Variants in SV2C observed in about 807,000 individuals in gnomAD.
The protein encoded by SV2C is synaptic vesicle glycoprotein 2C, also known as solute carrier family 22 member B3.
SV2C carries 49 observed loss-of-function variants against 79.7 expected under a neutral mutation model. The ratio of observed to expected loss-of-function variants is 0.61; its 90% confidence interval spans 0.49 to 0.78. The LOEUF (loss-of-function observed/expected upper bound fraction) is 0.78, where lower values mean the gene tolerates loss of function less well. Ranked by LOEUF, SV2C falls within the 30% of genes least tolerant of loss-of-function variation. The pLI, the probability that SV2C is intolerant of heterozygous loss-of-function variation, is 0.00. For missense variants in SV2C, 833 were observed against 912.9 expected (o/e 0.91, Z 1.13); for synonymous variants, 334 against 333.2 (o/e 1.00, Z -0.03).
At chr5:75,918,462 C>T in the SV2C span, among the ~76,000 whole-genome samples, 10 of 152,156 alleles carry the variant, frequency 6.6e-5, no homozygotes, top group Non-Finnish European at 1.3e-4. Context: ...GTTATATCTT[C>T]GTGAAAGATG....
chr5:76,139,430 G>A (rs1313430060), intron 2 of SV2C, among the ~76,000 whole-genome samples: 1 of 152,230 alleles, frequency 6.6e-6, no homozygotes, highest in Non-Finnish European at 1.5e-5. Context: ...TTGCCCATCA[G>A]AAATATGCTG....
chr5:76,140,084 T>A (rs6863908), intron 2 of SV2C, among the ~76,000 whole-genome samples: 90,049 of 152,180 alleles, frequency 0.59, 28,750 homozygotes, highest in East Asian at 0.97. Context: ...AAACTTTCCT[T>A]TCAACTGTAC....
the SV2C span, among the ~76,000 whole-genome samples, chr5:76,076,794 A>G: frequency 2.0e-5 from 3 of 152,208 alleles, no homozygotes; most frequent in Non-Finnish European, 4.4e-5. Flanking sequence ...CATTTTCAGC[A>G]GTCCCCTATA....
intron 4 of SV2C, among the ~76,000 whole-genome samples, chr5:76,269,150 G>A (rs1746764088): frequency 6.6e-6 from 1 of 152,088 alleles, no homozygotes; most frequent in African/African-American, 2.4e-5. Flanking sequence ...CCTGTCCTGT[G>A]TATTATAAGA....
At position 76,254,257 on chromosome 5, in the gene SV2C, T is replaced by TATATAG. The variant is rs1053047235; in HGVS notation, c.914-30904_914-30903insTATAGA. On this transcript the variant is annotated intron_variant, in intron 4 of 12. Coordinates refer to ENST00000502798, the MANE Select transcript of SV2C (RefSeq NM_014979.4). ...GTGTGTGTGTATATATATATATATA[T>TATATAG]AGAGAGAGAGAGAGAGATATTAAAA... 1.3e-3 allele frequency among the ~76,000 whole-genome samples: 199 copies of TATATAG among 149,400 alleles called. 2 individuals carry two copies. The highest frequency in any genetic ancestry group is 4.6e-3 in the African/African-American group (185 of 40,358).
the SV2C span, among the ~76,000 whole-genome samples, chr5:75,884,573 T>C: frequency 6.6e-6 from 1 of 152,122 alleles, no homozygotes; most frequent in East Asian, 1.9e-4. Flanking sequence ...ACTGGGTTGA[T>C]ACATGCTTCT....
the SV2C span, among the ~76,000 whole-genome samples, chr5:75,890,769 A>T: frequency 1.3e-5 from 2 of 152,062 alleles, no homozygotes; most frequent in African/African-American, 4.8e-5. Flanking sequence ...GTACTTGCTC[A>T]CTATGTGGGT....
rs78000228 is a variant in SV2C, at chr5:76,175,621, G to C, written c.581-19298G>C. Among the ~76,000 whole-genome samples, 1,429 of 152,276 alleles carry C rather than the reference G, an allele frequency of 9.4e-3. 14 individuals are homozygous for C. The highest frequency in any genetic ancestry group is 0.032 in the African/African-American group (1,347 of 41,526). ...TGTGCTGATGAGATACTTTTAACAC[G>C]AATCCTGAGGGCAGTGGACCTTAGA... is the stretch of plus-strand genomic sequence containing the variant. On this transcript the variant is annotated intron_variant, in intron 2 of 12. Transcript: ENST00000502798.
downstream of SV2C, among the ~76,000 whole-genome samples, chr5:76,338,508 T>C (rs1466138122): frequency 1.3e-5 from 2 of 152,236 alleles, no homozygotes; most frequent in East Asian, 3.8e-4. Flanking sequence ...CCACCCCTTT[T>C]GCTCTTTGCA....
At chr5:75,966,075 G>A in the SV2C span, among the ~76,000 whole-genome samples, 1,598 of 152,310 alleles carry the variant, frequency 0.01, 27 homozygotes, top group African/African-American at 0.031. Context: ...CCACAGTCAT[G>A]TATTTTCAAC....
chr5:76,041,659 G>T, the SV2C span, among the ~76,000 whole-genome samples: 2 of 152,128 alleles, frequency 1.3e-5, no homozygotes, highest in Non-Finnish European at 2.9e-5. Flanking sequence ...CCAGAGGCGG[G>T]TCATAGGAAA....
At chr5:75,964,787 AT>A in the SV2C span, among the ~76,000 whole-genome samples, 1 of 152,102 alleles carries the variant, frequency 6.6e-6, no homozygotes, top group African/African-American at 2.4e-5. Flanking sequence ...TTCCTTCTTT[AT>A]TCTTTTACTA....
At chr5:76,202,446 T>G (rs528867898) in intron 3 of SV2C, among the ~76,000 whole-genome samples, 1 of 152,174 alleles carries the variant, frequency 6.6e-6, no homozygotes, top group Non-Finnish European at 1.5e-5. Context: ...ACCCAGGCAG[T>G]CTGGCTCCAG....
At chr5:76,127,938 C>T (rs1012923947) in intron 1 of SV2C, among the ~76,000 whole-genome samples, 2 of 152,178 alleles carry the variant, frequency 1.3e-5, no homozygotes, top group Non-Finnish European at 2.9e-5. Flanking sequence ...TGCTCCCTGA[C>T]TCCCTTACTC....
chr5:76,146,788 GT>G lies in SV2C; in HGVS notation c.580+14467del, dbSNP rs143502248. Among the ~76,000 whole-genome samples, 210 of 47,530 alleles carry G rather than the reference GT, an allele frequency of 4.4e-3. 6 individuals are homozygous for G. The highest frequency in any genetic ancestry group is 0.016 in the African/African-American group (180 of 11,574). The allele number at this position is 47,530 out of a possible 152,430, so 31.2% of individuals were successfully genotyped here. A position where few individuals can be genotyped will look rare whatever the true frequency, so the allele number is the denominator to read the frequency against. On this transcript the variant is annotated intron_variant, in intron 2 of 12. Transcript: ENST00000502798. ...GGAAAGAAAGATGATAAAGGAATGA[GT>G]TTTTTTTTAAAAAAAAAAAAAAAAA...
At chr5:76,235,183 A>G in intron 4 of SV2C, among the ~76,000 whole-genome samples, 1 of 49,146 alleles carries the variant, frequency 2.0e-5, no homozygotes, top group African/African-American at 1.6e-4. Context: ...AAAAGGGCAA[A>G]AAAAAAAAAA....
intron 2 of SV2C, among the ~76,000 whole-genome samples, chr5:76,187,084 A>G (rs1743945099): frequency 6.6e-6 from 1 of 152,206 alleles, no homozygotes; most frequent in Non-Finnish European, 1.5e-5. Flanking sequence ...TGCGATGTCC[A>G]TGGTACACCA....
the SV2C span, among the ~76,000 whole-genome samples, chr5:75,999,160 C>G: frequency 6.6e-6 from 1 of 151,950 alleles, no homozygotes; most frequent in Admixed American, 6.6e-5. Flanking sequence ...AAAGACTTGC[C>G]CCCATGATTC....
chr5:76,118,830 A>G (rs933588490), intron 1 of SV2C, among the ~76,000 whole-genome samples: 1 of 152,208 alleles, frequency 6.6e-6, no homozygotes, highest in African/African-American at 2.4e-5. Flanking sequence ...AAAAATACCA[A>G]AAGTTAGCCA....
Sources: allele counts gnomAD v4.1 joint callset (sites outside exome capture counted in the v4.1 genomes callset), GRCh38; gene constraint gnomAD v4.1.1; transcripts MANE v1.5; gene names NCBI Gene and HGNC (gene_info 2026-07-23, HGNC 2026-07-21).